Variants in FOXP1 observed in about 807,000 individuals in gnomAD.
FOXP1 encodes the protein forkhead box protein P1.
A neutral mutation model predicts 98.2 loss-of-function variants in FOXP1; 15 were observed. That is an observed-to-expected ratio of 0.15 (90% CI 0.10 to 0.24). FOXP1 has a LOEUF of 0.24. Among genes scored for constraint, FOXP1 ranks in the 10% least tolerant of loss-of-function variants. The pLI is 1.00. For synonymous variants in FOXP1, 371 were observed against 314.5 expected, an observed-to-expected ratio of 1.18 and a Z score of -1.90; for missense variants, 633 against 848.5, an observed-to-expected ratio of 0.75 and a Z score of 3.15.
At chr3:71,299,372 T>C (rs560805636) in intron 5 of FOXP1, among the ~76,000 whole-genome samples, 1 of 152,174 alleles carries the variant, frequency 6.6e-6, no homozygotes, top group Non-Finnish European at 1.5e-5. Context: ...TGCCTGACTG[T>C]TAATTTCTGA....
chr3:71,239,380 T>C (rs1025733100), intron 5 of FOXP1, among the ~76,000 whole-genome samples: 4 of 151,950 alleles, frequency 2.6e-5, no homozygotes, highest in Non-Finnish European at 5.9e-5. Flanking sequence ...CCGTCTCTAC[T>C]AAAAATACAA....
chr3:71,037,518 C>T (rs144999173), intron 11 of FOXP1, among the ~76,000 whole-genome samples: 1 of 152,176 alleles, frequency 6.6e-6, no homozygotes, highest in Non-Finnish European at 1.5e-5. Context: ...ACTCTCTGTC[C>T]CTATGGAATA....
chr3:71,433,980 G>T (rs1484827189), intron 3 of FOXP1, among the ~76,000 whole-genome samples: 2 of 152,180 alleles, frequency 1.3e-5, no homozygotes, highest in African/African-American at 4.8e-5. Context: ...ATCTTCATAT[G>T]CCTCAAGTTT....
chr3:71,346,473 T>C lies in FOXP1; in HGVS notation c.-73+12677A>G, dbSNP rs73117143. Reference sequence around the variant, plus strand: ...GTGGTTGTTTTCATCCAAGGTTATTTTAAAGGAATAAATTTAATTAATACA... The same window carrying C: ...GTGGTTGTTTTCATCCAAGGTTATTCTAAAGGAATAAATTTAATTAATACA... On this transcript the variant is annotated intron_variant, in intron 4 of 20. Transcript: ENST00000649528. Among the ~76,000 whole-genome samples, 606 of 152,270 alleles carry C rather than the reference T, an allele frequency of 4.0e-3. 2 individuals carry two copies. The highest frequency in any genetic ancestry group is 5.6e-3 in the Non-Finnish European group (380 of 68,026).
At chr3:71,555,195 T>G (rs993970691) in intron 2 of FOXP1, among the ~76,000 whole-genome samples, 5 of 152,252 alleles carry the variant, frequency 3.3e-5, no homozygotes, top group Non-Finnish European at 7.3e-5. Flanking sequence ...GCAGCGGGAC[T>G]TCTCAGCCTT....
intron 3 of FOXP1, among the ~76,000 whole-genome samples, chr3:71,365,930 C>T (rs1016888397): frequency 1.3e-5 from 2 of 152,132 alleles, no homozygotes; most frequent in African/African-American, 4.8e-5. Flanking sequence ...TTGCAGTGAG[C>T]CCACTGCACT....
chr3:71,006,705 C>G (rs1387601987), intron 12 of FOXP1, among the ~76,000 whole-genome samples: 1 of 152,112 alleles, frequency 6.6e-6, no homozygotes, highest in Middle Eastern at 3.2e-3. Context: ...CCTAAGCTAA[C>G]TAATGGCTCT....
rs975280703 is a variant in FOXP1, at chr3:71,084,969, A to AAATC, written c.282+27563_282+27566dup. On this transcript the variant is annotated intron_variant, in intron 7 of 20. Coordinates refer to ENST00000649528, the MANE Select transcript of FOXP1 (RefSeq NM_001349338.3). ...TAGTTGCTTGAATAAATAAACAAAC[A>AAATC]AATCAATCAATCAATCATTGTTTAA... 1.8e-4 allele frequency among the ~76,000 whole-genome samples: 28 copies of AAATC among 151,922 alleles called. No homozygotes were observed. The East Asian group carries it at 5.4e-3, about 29-fold the overall frequency.
intron 3 of FOXP1, among the ~76,000 whole-genome samples, chr3:71,389,861 T>TA (rs536621333): frequency 0.022 from 3,037 of 137,556 alleles, 37 homozygotes; most frequent in South Asian, 0.038. Context: ...ATTCTGTCTT[T>TA]AAAAAAAAAA....
intron 2 of FOXP1, among the ~76,000 whole-genome samples, chr3:71,544,788 G>A (rs2045221133): frequency 6.6e-6 from 1 of 152,076 alleles, no homozygotes; most frequent in South Asian, 2.1e-4. Flanking sequence ...ATATGATTAA[G>A]TGAAACTTGG....
chr3:71,171,905 G>C (rs1357162101), intron 6 of FOXP1, among the ~76,000 whole-genome samples: 1 of 152,196 alleles, frequency 6.6e-6, no homozygotes, highest in Non-Finnish European at 1.5e-5. Context: ...TTGACAAACA[G>C]AGTCCATGAA....
intron 6 of FOXP1, among the ~76,000 whole-genome samples, chr3:71,124,771 AC>A (rs1273362436): frequency 6.6e-6 from 1 of 152,248 alleles, no homozygotes; most frequent in Admixed American, 6.5e-5. Flanking sequence ...GTAAATGGAA[AC>A]TAAAACTATT....
At chr3:71,064,106 G>A (rs1270061209) in intron 7 of FOXP1, among the ~76,000 whole-genome samples, 1 of 152,182 alleles carries the variant, frequency 6.6e-6, no homozygotes, top group Non-Finnish European at 1.5e-5. Flanking sequence ...AACCAGCCAA[G>A]TAATGCAACA....
intron 7 of FOXP1, among the ~76,000 whole-genome samples, chr3:71,059,033 T>C (rs2051096459): frequency 6.6e-6 from 1 of 152,208 alleles, no homozygotes; most frequent in Non-Finnish European, 1.5e-5. Context: ...GGTTATTATA[T>C]TAATGCAAAA....
chr3:71,390,230 G>A (rs142209181), intron 3 of FOXP1, among the ~76,000 whole-genome samples: 50 of 152,264 alleles, frequency 3.3e-4, no homozygotes, highest in Admixed American at 1.2e-3. Context: ...AGGACCTGCT[G>A]TAACTCAAAA....
intron 3 of FOXP1, among the ~76,000 whole-genome samples, chr3:71,403,208 C>T (rs889741662): frequency 6.6e-6 from 1 of 152,194 alleles, no homozygotes; most frequent in Non-Finnish European, 1.5e-5. Flanking sequence ...TCATGTGTGG[C>T]GTGTACATGT....
intron 12 of FOXP1, among the ~76,000 whole-genome samples, chr3:71,008,367 G>C (rs910183193): frequency 6.6e-6 from 1 of 152,060 alleles, no homozygotes; most frequent in African/African-American, 2.4e-5. Flanking sequence ...TTGAAAAGAA[G>C]AAAAAAGAAA....
At chr3:70,994,284 CCCAGGACTCTT>C (rs751053002) in intron 13 of FOXP1, among the ~76,000 whole-genome samples, 16 of 151,880 alleles carry the variant, frequency 1.1e-4, no homozygotes, top group Non-Finnish European at 2.9e-5. Flanking sequence ...TCCCAGCTTG[CCCAGGACTCTT>C]CCAGTTTTGA....
intron 5 of FOXP1, among the ~76,000 whole-genome samples, chr3:71,289,084 G>C (rs773049590): frequency 6.6e-6 from 1 of 151,876 alleles, no homozygotes; most frequent in Admixed American, 6.6e-5. Context: ...GCCCACGCTG[G>C]AGTGCAGTGG....
Sources: allele counts gnomAD v4.1 joint callset (sites outside exome capture counted in the v4.1 genomes callset), GRCh38; gene constraint gnomAD v4.1.1; transcripts MANE v1.5; gene names NCBI Gene and HGNC (gene_info 2026-07-23, HGNC 2026-07-21).